Variants in CDIN1 observed in about 807,000 individuals in gnomAD.
CDIN1 encodes CDAN1 interacting nuclease 1, also known as CDAN1-interacting nuclease 1.
In CDIN1, 33 loss-of-function variants were observed where a neutral mutation model predicts 45.3. The ratio of observed to expected loss-of-function variants is 0.73; its 90% CI spans 0.55 to 0.97. The LOEUF is 0.97. Among genes scored for constraint, CDIN1 ranks in the 50% least tolerant of loss-of-function variants. The probability of loss-of-function intolerance (pLI) is 0.00; values close to 1 mark genes in which losing one functional copy is unlikely to be tolerated. For synonymous variants in CDIN1, 118 were observed against 124.4 expected (o/e 0.95, Z 0.34); for missense variants, 303 against 339.4 (o/e 0.89, Z 0.84).
Position 36,654,083 on chromosome 15 carries a change from C to G in CDIN1, c.213-15C>G. ...TTCTTGTCACTGCATTACCACTTGGCTTTGTCTTGTCTAGGTACCTGAATG... is the reference window on the plus strand; with the variant it reads ...TTCTTGTCACTGCATTACCACTTGGGTTTGTCTTGTCTAGGTACCTGAATG... On this transcript the variant is annotated splice_polypyrimidine_tract_variant and intron_variant, in intron 3 of 10. Coordinates refer to ENST00000566621, the MANE Select transcript of CDIN1 (RefSeq NM_001321759.2). The G allele has an allele frequency of 6.4e-7, 1 of 1,568,358 alleles. No homozygotes were observed. Among genetic ancestry groups the G allele is most frequent in the Non-Finnish European group, 8.7e-7 (1 of 1,153,938 alleles).
intron 10 of CDIN1, among the ~76,000 whole-genome samples, chr15:36,767,842 G>A (rs1348454447): frequency 2.6e-5 from 4 of 152,178 alleles, no homozygotes; most frequent in Non-Finnish European, 5.9e-5. Context: ...TGTAAAAGGA[G>A]GCTGATCCAA....
intron 10 of CDIN1, among the ~76,000 whole-genome samples, chr15:36,796,365 T>C (rs1389177805): frequency 6.6e-6 from 1 of 152,222 alleles, no homozygotes; most frequent in Non-Finnish European, 1.5e-5. Context: ...TCTGGAGTAG[T>C]CAGTCATGGA....
At chr15:36,739,341 C>G (rs1205387869) in intron 10 of CDIN1, among the ~76,000 whole-genome samples, 2 of 152,180 alleles carry the variant, frequency 1.3e-5, no homozygotes, top group Admixed American at 1.3e-4. Context: ...GGAGTTTGAG[C>G]ATACAGTGAA....
rs556505599 is a variant in CDIN1 at position 36,731,091 on chromosome 15, T to G, written c.716+21130T>G. ...GAGCTTCTGTCCAGAGTTAATCAGC[T>G]GCAGAATTTGTAAACTGCACATGTG... On this transcript the variant is annotated intron_variant, in intron 10 of 10. Coordinates refer to ENST00000566621, the MANE Select transcript of CDIN1 (RefSeq NM_001321759.2). Among the ~76,000 whole-genome samples, 5 of 152,224 alleles carry G rather than the reference T, an allele frequency of 3.3e-5. No homozygotes were observed. In the East Asian group the frequency reaches 9.6e-4, roughly 29 times the overall value.
intron 3 of CDIN1, among the ~76,000 whole-genome samples, chr15:36,646,162 G>T (rs1884289764): frequency 6.6e-6 from 1 of 152,080 alleles, no homozygotes; most frequent in South Asian, 2.1e-4. Context: ...CCTTTCTGTG[G>T]TGAGAATGAC....
At chr15:36,705,022 C>T (rs558701422) in intron 8 of CDIN1, 2 of 152,138 alleles carry the variant, frequency 1.3e-5, no homozygotes, top group South Asian at 2.1e-4. Flanking sequence ...GTAATTAGTA[C>T]TTAATTGCTT....
At chr15:36,698,365 C>A in intron 8 of CDIN1, among the ~76,000 whole-genome samples, 1 of 152,058 alleles carries the variant, frequency 6.6e-6, no homozygotes, top group Non-Finnish European at 1.5e-5. Context: ...CATAAATATT[C>A]CCTAGTTAGG....
At chr15:36,717,698 A>G (rs1241144897) in intron 10 of CDIN1, among the ~76,000 whole-genome samples, 1 of 152,160 alleles carries the variant, frequency 6.6e-6, no homozygotes, top group Non-Finnish European at 1.5e-5. Context: ...ATACCTGGGA[A>G]TGAAATGATT....
chr15:36,774,833 G>A (rs1030953831), intron 10 of CDIN1, among the ~76,000 whole-genome samples: 1 of 152,118 alleles, frequency 6.6e-6, no homozygotes, highest in African/African-American at 2.4e-5. Flanking sequence ...TGCTCTTGAC[G>A]CCTGCAGTTG....
At chr15:36,646,750 G>C (rs933159329) in intron 3 of CDIN1, among the ~76,000 whole-genome samples, 1 of 152,156 alleles carries the variant, frequency 6.6e-6, no homozygotes, top group Admixed American at 6.6e-5. Context: ...TTAAAGGCTT[G>C]TAATGTATAC....
At chr15:36,640,969 A>G (rs1227946227) in intron 1 of CDIN1, among the ~76,000 whole-genome samples, 5 of 152,222 alleles carry the variant, frequency 3.3e-5, no homozygotes, top group African/African-American at 1.2e-4. Context: ...AAAATCACAC[A>G]CCAGTTTAGG....
Position 36,644,343 on chromosome 15 carries a change from G to C in CDIN1, c.147+20G>C. On this transcript the variant is annotated intron_variant, in intron 2 of 10. Transcript: ENST00000566621. ...TACCAGGTTAGAAGTTTTCTCCTTT[G>C]TGAGGGTTGACAGGTGCCTAATTGA... The C allele has an allele frequency of 6.2e-7, 1 of 1,610,102 alleles. No homozygotes were observed. Among genetic ancestry groups the C allele is most frequent in the Non-Finnish European group, 8.5e-7 (1 of 1,177,410 alleles).
At chr15:36,617,602 G>A in intron 1 of CDIN1, 1 of 775,356 alleles carries the variant, frequency 1.3e-6, no homozygotes, top group Non-Finnish European at 2.4e-6. Context: ...AGACCCTGAT[G>A]TAATTCTTGA....
Position 36,697,319 on chromosome 15 carries a change from C to G in CDIN1, c.477-4C>G. The G allele has an allele frequency of 6.2e-7, 1 of 1,612,356 alleles. No homozygotes were observed. The highest frequency in any genetic ancestry group is 8.5e-7 in the Non-Finnish European group (1 of 1,179,248). ...GTGTTACCCCCTTAACTGAAACTTC[C>G]CAGTGCCATTGGTCATGAGCATGAG... On this transcript the variant is annotated splice_region_variant and splice_polypyrimidine_tract_variant and intron_variant, in intron 7 of 10. Coordinates refer to ENST00000566621, the MANE Select transcript of CDIN1 (RefSeq NM_001321759.2).
At chr15:36,695,298 G>A (rs530989349) in intron 7 of CDIN1, among the ~76,000 whole-genome samples, 2 of 152,232 alleles carry the variant, frequency 1.3e-5, no homozygotes, top group African/African-American at 2.4e-5. Context: ...AAGGAGTGAC[G>A]TGACCAGGTT....
At chr15:36,583,035 A>G (rs2037119782) in intron 1 of CDIN1, among the ~76,000 whole-genome samples, 1 of 152,110 alleles carries the variant, frequency 6.6e-6, no homozygotes, top group South Asian at 2.1e-4. Flanking sequence ...TGATCTGCAT[A>G]TGTTCAGGAT....
intron 10 of CDIN1, among the ~76,000 whole-genome samples, chr15:36,733,985 G>T (rs185337201): frequency 1.3e-5 from 2 of 151,888 alleles, no homozygotes; most frequent in East Asian, 3.9e-4. Context: ...TATTAATAGG[G>T]GTATTGTCTT....
intron 9 of CDIN1, among the ~76,000 whole-genome samples, chr15:36,709,523 T>C (rs956034952): frequency 9.9e-5 from 15 of 152,198 alleles, no homozygotes; most frequent in African/African-American, 3.6e-4. Flanking sequence ...TCAACTTATT[T>C]CTCTAAATTT....
At chr15:36,753,010 T>C (rs1346808802) in intron 10 of CDIN1, among the ~76,000 whole-genome samples, 1 of 152,166 alleles carries the variant, frequency 6.6e-6, no homozygotes, top group Non-Finnish European at 1.5e-5. Context: ...GTATGATATT[T>C]GTGCAAAATA....
Sources: gnomAD v4.1 joint callset for allele counts (sites outside exome capture counted in the v4.1 genomes callset) on GRCh38, gnomAD v4.1.1 for gene constraint, MANE v1.5 for transcripts, NCBI Gene and HGNC (gene_info 2026-07-23, HGNC 2026-07-21) for gene names.